The following STARD13 variants were observed in gnomAD, a reference collection of about 807,000 sequenced individuals.
The protein encoded by STARD13 is stAR-related lipid transfer protein 13.
STARD13 carries 62 observed loss-of-function variants against 106.4 expected under a neutral mutation model. That is an observed-to-expected ratio of 0.58 (90% CI 0.48 to 0.72). The LOEUF (loss-of-function observed/expected upper bound fraction) is 0.72. Among genes scored for constraint, STARD13 ranks in the 30% least tolerant of loss-of-function variants. STARD13 has a pLI of 0.00. For missense variants in STARD13, 1,387 were observed against 1,424.0 expected (o/e 0.97, Z 0.42); for synonymous variants, 565 against 553.0 (o/e 1.02, Z -0.31).
chr13:33,194,370 A>G (rs1007048357), intron 1 of STARD13, among the ~76,000 whole-genome samples: 2 of 152,224 alleles, frequency 1.3e-5, no homozygotes, highest in African/African-American at 2.4e-5. Context: ...CTGCTATGAA[A>G]TTCAGTTTAC....
At chr13:33,339,409 T>C (rs895852867) in intron 1 of STARD13, among the ~76,000 whole-genome samples, 1 of 152,246 alleles carries the variant, frequency 6.6e-6, no homozygotes, top group Non-Finnish European at 1.5e-5. Context: ...GTACAATCTA[T>C]GCTTCTAGCA....
At chr13:33,266,787 C>G (rs1187836016) in intron 1 of STARD13, among the ~76,000 whole-genome samples, 1 of 152,180 alleles carries the variant, frequency 6.6e-6, no homozygotes, top group Non-Finnish European at 1.5e-5. Context: ...ATATTTATGA[C>G]AGTTTATATG....
At chr13:33,416,521 G>A in the STARD13 span, among the ~76,000 whole-genome samples, 1 of 152,182 alleles carries the variant, frequency 6.6e-6, no homozygotes, top group Non-Finnish European at 1.5e-5. Flanking sequence ...TGGACAGGGA[G>A]TAGAAACGAC....
chr13:33,494,113 A>G, the STARD13 span, among the ~76,000 whole-genome samples: 2 of 152,104 alleles, frequency 1.3e-5, no homozygotes, highest in Non-Finnish European at 2.9e-5. Flanking sequence ...TTCTTTCTGA[A>G]CTCCAGGTCT....
chr13:33,327,156 C>G (rs2077785008), intron 1 of STARD13, among the ~76,000 whole-genome samples: 1 of 152,086 alleles, frequency 6.6e-6, no homozygotes, highest in Admixed American at 6.5e-5. Context: ...CTTAGAATAC[C>G]ACACTAGAAA....
the STARD13 span, among the ~76,000 whole-genome samples, chr13:33,359,109 G>A: frequency 2.0e-5 from 3 of 152,154 alleles, no homozygotes; most frequent in African/African-American, 7.2e-5. Context: ...GCCAGCATTG[G>A]CAACCCGCTC....
the STARD13 span, among the ~76,000 whole-genome samples, chr13:33,395,363 C>T: frequency 6.6e-6 from 1 of 152,010 alleles, no homozygotes; most frequent in Non-Finnish European, 1.5e-5. Context: ...TAATAAAGAC[C>T]TTTGTACCAG....
intron 1 of STARD13, among the ~76,000 whole-genome samples, chr13:33,299,881 G>A (rs1892645191): frequency 6.6e-6 from 1 of 152,234 alleles, no homozygotes; most frequent in South Asian, 2.1e-4. Flanking sequence ...TAACTTGAAA[G>A]TTATTAACCT....
the STARD13 span, among the ~76,000 whole-genome samples, chr13:33,625,809 C>T: frequency 1.3e-5 from 2 of 151,928 alleles, no homozygotes; most frequent in Non-Finnish European, 2.9e-5. Flanking sequence ...TCAAGCGATT[C>T]TCCTGCCTCA....
chr13:33,632,221 C>T, the STARD13 span, among the ~76,000 whole-genome samples: 3 of 152,166 alleles, frequency 2.0e-5, no homozygotes, highest in Non-Finnish European at 2.9e-5. Context: ...AACTCTTGAG[C>T]TCTCATAAAA....
intron 1 of STARD13, among the ~76,000 whole-genome samples, chr13:33,257,419 C>T (rs1890420972): frequency 6.6e-6 from 1 of 152,146 alleles, no homozygotes; most frequent in Admixed American, 6.5e-5. Context: ...GTACTGAATG[C>T]CAAGCATGGT....
Position 33,129,132 on chromosome 13 carries a change from A to T in STARD13, c.1545T>A (p.Asp515Glu), listed in dbSNP as rs531677080. 1.2e-4 allele frequency: 192 copies of T among 1,614,208 alleles called. 2 individuals carry two copies. In the Admixed American group the frequency reaches 2.5e-3, roughly 21 times the overall value. ...ATAAGCCAGGTTCCCCAACCAATGT[A>T]TCATGAGTTTGCAGTTCAGGCAAGA... ...KDVLPELQTH[D>E]TLVGEPGLST... Residue 515 changes from aspartate (D) to glutamate (E), a missense_variant, in exon 5 of 14, where the codon GAT becomes GAA. Asp to Glu is a conservative substitution (Grantham distance 45). Transcript: ENST00000336934.
At chr13:33,529,527 G>T in the STARD13 span, among the ~76,000 whole-genome samples, 1 of 152,056 alleles carries the variant, frequency 6.6e-6, no homozygotes, top group African/African-American at 2.4e-5. Flanking sequence ...TCATTCATAT[G>T]CCAAGTGTTG....
the STARD13 span, among the ~76,000 whole-genome samples, chr13:33,397,313 C>A: frequency 6.6e-5 from 10 of 152,180 alleles, no homozygotes; most frequent in Non-Finnish European, 7.3e-5. Flanking sequence ...GGGGCAGGCA[C>A]ACTTACTGCC....
At chr13:33,343,294 G>T (rs957171375) in intron 1 of STARD13, among the ~76,000 whole-genome samples, 5 of 151,090 alleles carry the variant, frequency 3.3e-5, no homozygotes, top group Admixed American at 2.0e-4. Flanking sequence ...AAAAAATCTG[G>T]CTGGGCTCGG....
intron 8 of STARD13, chr13:33,117,827 T>C: frequency 7.1e-6 from 7 of 984,846 alleles, no homozygotes; most frequent in Non-Finnish European, 8.4e-6. Context: ...TACACAAAAC[T>C]CTTTTGAGAA....
At chr13:33,362,494 C>G in the STARD13 span, among the ~76,000 whole-genome samples, 1 of 152,140 alleles carries the variant, frequency 6.6e-6, no homozygotes, top group Admixed American at 6.5e-5. Flanking sequence ...CTTTGGAGTC[C>G]TGAGAAATCC....
the STARD13 span, among the ~76,000 whole-genome samples, chr13:33,477,782 C>T: frequency 2.0e-5 from 3 of 151,190 alleles, no homozygotes; most frequent in Non-Finnish European, 4.4e-5. Context: ...CTGAAACCAG[C>T]CCAATTATCC....
At chr13:33,645,112 C>T in the STARD13 span, among the ~76,000 whole-genome samples, 1 of 152,158 alleles carries the variant, frequency 6.6e-6, no homozygotes, top group Admixed American at 6.5e-5. Flanking sequence ...TTCCCTTCCC[C>T]TTGACCCTTG....
Sources: gnomAD v4.1 joint callset for allele counts (sites outside exome capture counted in the v4.1 genomes callset) on GRCh38, gnomAD v4.1.1 for gene constraint, MANE v1.5 for transcripts, NCBI Gene and HGNC (gene_info 2026-07-23, HGNC 2026-07-21) for gene names.